Variants in CPXM2 observed in about 807,000 individuals in gnomAD.
CPXM2 encodes inactive carboxypeptidase-like protein X2.
CPXM2 carries 66 observed loss-of-function variants against 86.1 expected under a neutral mutation model. The observed-to-expected ratio is 0.77, with a 90% confidence interval of 0.63 to 0.94. The LOEUF (loss-of-function observed/expected upper bound fraction) is 0.94. Among genes scored for constraint, CPXM2 ranks in the 40% least tolerant of loss-of-function variants. The probability of loss-of-function intolerance (pLI) is 0.00; values close to 1 mark genes in which losing one functional copy is unlikely to be tolerated. For synonymous variants in CPXM2, 388 were observed against 400.2 expected, an observed-to-expected ratio of 0.97 and a Z score of 0.36; for missense variants, 948 against 1,026.3, an observed-to-expected ratio of 0.92 and a Z score of 1.04.
chr10:123,824,851 T>C (rs1164871174), intron 4 of CPXM2, among the ~76,000 whole-genome samples: 3 of 152,218 alleles, frequency 2.0e-5, no homozygotes, highest in Non-Finnish European at 4.4e-5. Context: ...TAATGAAATA[T>C]GACATCTCCC....
chr10:123,785,529 C>T (rs944118638), intron 6 of CPXM2, among the ~76,000 whole-genome samples: 1 of 152,176 alleles, frequency 6.6e-6, no homozygotes, highest in Non-Finnish European at 1.5e-5. Flanking sequence ...CAGTCCCTGG[C>T]AGCCTGGGAT....
chr10:123,896,259 T>C (rs1165954873), upstream of CPXM2, among the ~76,000 whole-genome samples: 4 of 152,244 alleles, frequency 2.6e-5, no homozygotes, highest in Non-Finnish European at 5.9e-5. Context: ...TTTTGAAAGA[T>C]CATTAATTTG....
intron 6 of CPXM2, among the ~76,000 whole-genome samples, chr10:123,793,719 G>A (rs1308699661): frequency 6.6e-6 from 1 of 152,162 alleles, no homozygotes; most frequent in Non-Finnish European, 1.5e-5. Flanking sequence ...GCCAATGGCT[G>A]CTTGATGCCC....
chr10:123,789,917 G>A (rs1459198348), intron 6 of CPXM2, among the ~76,000 whole-genome samples: 1 of 152,108 alleles, frequency 6.6e-6, no homozygotes, highest in Non-Finnish European at 1.5e-5. Flanking sequence ...AGGAGATCGA[G>A]ACCATCCTGG....
At chr10:123,943,431 G>A (rs1400390287), upstream of CPXM2, among the ~76,000 whole-genome samples, 1 of 152,202 alleles carries the variant, frequency 6.6e-6, no homozygotes, top group Admixed American at 6.5e-5. Flanking sequence ...CAATGCCTCA[G>A]GGGAGCCTCT....
intron 2 of CPXM2, among the ~76,000 whole-genome samples, chr10:123,878,519 G>A (rs1310604757): frequency 4.7e-5 from 7 of 147,680 alleles, no homozygotes; most frequent in African/African-American, 1.6e-4. Context: ...GTGTGTGTGT[G>A]TGTGTGTGTG....
chr10:123,805,812 C>T (rs894453288), intron 4 of CPXM2, among the ~76,000 whole-genome samples: 2 of 152,074 alleles, frequency 1.3e-5, no homozygotes, highest in African/African-American at 4.8e-5. Flanking sequence ...TAGTTATACA[C>T]TCACAATATT....
At chr10:123,914,678 A>C (rs1945520362) in intron 2 of CPXM2, among the ~76,000 whole-genome samples, 1 of 152,188 alleles carries the variant, frequency 6.6e-6, no homozygotes. Context: ...CATAGCATCC[A>C]TCAGCCCATC....
At position 123,854,382 on chromosome 10, in the gene CPXM2, TA is replaced by T. The variant is rs1848668553; in HGVS notation, c.513+8231del. Among the ~76,000 whole-genome samples, 3 of 120,826 alleles carry T rather than the reference TA, an allele frequency of 2.5e-5. No individual in the cohort carries two copies. In the East Asian group the frequency reaches 6.6e-4, roughly 26 times the overall value. The allele number at this position is 120,826 out of a possible 152,430, so 79.3% of individuals were successfully genotyped here. A position where few individuals can be genotyped will look rare whatever the true frequency, so the allele number is the denominator to read the frequency against. ...TAAAAATATATATATATAATATATA[TA>T]TAATATATATATTATATATATATTA... On this transcript the variant is annotated intron_variant, in intron 3 of 13. Coordinates refer to ENST00000241305, the MANE Select transcript of CPXM2 (RefSeq NM_198148.3).
chr10:123,879,351 C>G (rs543632152), intron 2 of CPXM2, among the ~76,000 whole-genome samples: 1 of 152,214 alleles, frequency 6.6e-6, no homozygotes, highest in African/African-American at 2.4e-5. Context: ...TTAAGCTAAC[C>G]AAAAAGTCTA....
At chr10:123,923,639 TG>T (rs1273634071) in intron 2 of CPXM2, among the ~76,000 whole-genome samples, 7 of 152,108 alleles carry the variant, frequency 4.6e-5, no homozygotes, top group Non-Finnish European at 1.0e-4. Context: ...GAACATAAAT[TG>T]GATGATAAGG....
chr10:123,748,839 A>C (rs1211126906), intron 13 of CPXM2, among the ~76,000 whole-genome samples: 1 of 151,662 alleles, frequency 6.6e-6, no homozygotes, highest in African/African-American at 2.4e-5. Context: ...CGAGCGAGCC[A>C]CCTCCTCCAC....
chr10:123,843,363 A>G, intron 3 of CPXM2: 1 of 433,512 alleles, frequency 2.3e-6, no homozygotes, highest in East Asian at 7.2e-5. Context: ...CCTCCCAAAA[A>G]GGACATTTGA....
At chr10:123,751,105 A>G in intron 13 of CPXM2, 9 of 970,008 alleles carry the variant, frequency 9.3e-6, no homozygotes, top group Non-Finnish European at 1.1e-5. Context: ...TGGCCAAGAG[A>G]TGGATGAAAG....
chr10:123,851,332 C>T (rs1490117582), intron 3 of CPXM2, among the ~76,000 whole-genome samples: 1 of 152,218 alleles, frequency 6.6e-6, no homozygotes, highest in African/African-American at 2.4e-5. Context: ...CAAGTACTCA[C>T]TCCATCCTCA....
chr10:123,768,737 A>G lies in CPXM2; in HGVS notation c.1103-15T>C. 2 of 1,604,056 alleles carry G rather than the reference A, an allele frequency of 1.2e-6. No individual in the cohort carries two copies. Among genetic ancestry groups the G allele is most frequent in the Non-Finnish European group, 8.5e-7 (1 of 1,178,884 alleles). ...CTCGGGCTCACCTTTACTCAAAGACAGAGAGAAGCACAGGTTCACGTTGAA... is the reference window on the plus strand; with the variant it reads ...CTCGGGCTCACCTTTACTCAAAGACGGAGAGAAGCACAGGTTCACGTTGAA... On this transcript the variant is annotated splice_polypyrimidine_tract_variant and intron_variant, in intron 8 of 13. Coordinates refer to ENST00000241305, the MANE Select transcript of CPXM2 (RefSeq NM_198148.3).
upstream of CPXM2, among the ~76,000 whole-genome samples, chr10:123,895,319 T>TGAAAC (rs1590109931): frequency 6.6e-6 from 1 of 151,970 alleles, no homozygotes; most frequent in East Asian, 1.9e-4. Context: ...AGACAGGGTT[T>TGAAAC]CACCATGTTG....
At chr10:123,935,688 G>A (rs892712090) in intron 2 of CPXM2, among the ~76,000 whole-genome samples, 1 of 152,122 alleles carries the variant, frequency 6.6e-6, no homozygotes, top group African/African-American at 2.4e-5. Flanking sequence ...GCCCAGACAA[G>A]GATGCAGTCA....
At chr10:123,895,504 A>G (rs1240750975), upstream of CPXM2, among the ~76,000 whole-genome samples, 1 of 152,258 alleles carries the variant, frequency 6.6e-6, no homozygotes, top group East Asian at 1.9e-4. Context: ...CATCTTCCAC[A>G]GAAACCAACA....
Sources: allele counts gnomAD v4.1 joint callset (sites outside exome capture counted in the v4.1 genomes callset), GRCh38; gene constraint gnomAD v4.1.1; transcripts MANE v1.5; gene names NCBI Gene and HGNC (gene_info 2026-07-23, HGNC 2026-07-21).